Variants in MAP2 observed in about 807,000 individuals in gnomAD.
MAP2 encodes the protein microtubule-associated protein 2.
A neutral mutation model predicts 137.6 loss-of-function variants in MAP2; 14 were observed. The observed-to-expected ratio is 0.10, with a 90% CI of 0.07 to 0.16. The LOEUF is 0.16. Ranked by LOEUF, MAP2 falls within the 10% of genes least tolerant of loss-of-function variation. The pLI, the probability that MAP2 is intolerant of heterozygous loss-of-function variation, is 1.00. For missense variants in MAP2, 2,088 were observed against 2,191.5 expected (o/e 0.95, Z 0.94); for synonymous variants, 786 against 782.3 (o/e 1.00, Z -0.08).
chr2:209,610,393 G>A (rs1277065864), intron 3 of MAP2, among the ~76,000 whole-genome samples: 1 of 151,772 alleles, frequency 6.6e-6, no homozygotes, highest in Non-Finnish European at 1.5e-5. Flanking sequence ...GACCACTGAA[G>A]TATTTTAATC....
intron 3 of MAP2, among the ~76,000 whole-genome samples, chr2:209,587,827 A>G (rs968394468): frequency 6.6e-6 from 1 of 152,202 alleles, no homozygotes; most frequent in African/African-American, 2.4e-5. Context: ...CCAGGTCTCC[A>G]GACCTTGTTA....
intron 1 of MAP2, among the ~76,000 whole-genome samples, chr2:209,471,757 T>G (rs1185693899): frequency 1.3e-5 from 2 of 152,008 alleles, no homozygotes; most frequent in Admixed American, 1.3e-4. Flanking sequence ...TATAGTTCCT[T>G]GAGAATGAAG....
In MAP2 at chr2:209,693,308, G is replaced by A. The variant is rs1289215995; in HGVS notation, c.1138G>A (p.Ala380Thr). ...EPHEAKPDKM[A>T]EAPPSEAMTL... The stretch of plus-strand genomic sequence containing the variant: ...CCATGAGGCTAAACCTGACAAAATG[G>A]CAGAAGCACCACCCTCAGAGGCAAT... Residue 380 changes from alanine to threonine, a missense_variant, in exon 8 of 16, where the codon GCA becomes ACA. Ala to Thr is a moderately conservative substitution (Grantham distance 58). Around this residue, in one of 6 missense-constraint regions of MAP2, gnomAD observed 859 missense variants for 794.5 expected, o/e 1.08. Transcript: ENST00000682079. 6.2e-7 allele frequency: 1 copy of A among 1,613,902 alleles called. No individual in the cohort carries two copies. The highest frequency in any genetic ancestry group is 1.1e-5 in the South Asian group (1 of 91,020).
intron 1 of MAP2, among the ~76,000 whole-genome samples, chr2:209,490,578 A>G (rs1204783998): frequency 7.8e-6 from 1 of 128,068 alleles, no homozygotes; most frequent in Non-Finnish European, 1.6e-5. Flanking sequence ...AAAGGGATGG[A>G]GGAAGATTTA....
chr2:209,485,895 T>C (rs928693554), intron 1 of MAP2, among the ~76,000 whole-genome samples: 1 of 152,254 alleles, frequency 6.6e-6, no homozygotes, highest in Non-Finnish European at 1.5e-5. Flanking sequence ...GGCAGAAGGT[T>C]AGGGCCTAGC....
intron 4 of MAP2, among the ~76,000 whole-genome samples, chr2:209,628,574 G>A (rs983454582): frequency 6.6e-6 from 1 of 152,074 alleles, no homozygotes; most frequent in Non-Finnish European, 1.5e-5. Context: ...TTCTTCTACA[G>A]TCTATTGTTC....
At chr2:209,661,756 A>G (rs1018727115) in intron 5 of MAP2, 3 of 909,036 alleles carry the variant, frequency 3.3e-6, no homozygotes, top group African/African-American at 3.6e-5. Flanking sequence ...AGCTTCAATC[A>G]TAATATTTGG....
intron 1 of MAP2, among the ~76,000 whole-genome samples, chr2:209,449,862 T>C (rs559308891): frequency 6.6e-6 from 1 of 152,296 alleles, no homozygotes; most frequent in South Asian, 2.1e-4. Context: ...ATACTTGTAT[T>C]ATCAGTATTA....
Position 209,671,781 on chromosome 2 carries a change from G to T in MAP2, c.263-6791G>T, listed in dbSNP as rs1378138269. ...TTCTCAAGCATATGCCAAGGTGCTT[G>T]GATTTTTTTTATTCACAGTCTAATT... On this transcript the variant is annotated intron_variant, in intron 5 of 15. Coordinates refer to ENST00000682079, the MANE Select transcript of MAP2 (RefSeq NM_001375505.1). Among the ~76,000 whole-genome samples the T allele has an allele frequency of 4.6e-5, 7 of 151,718 alleles. 1 individual carries two copies. The South Asian group carries it at 1.5e-3, about 31-fold the overall frequency.
intron 13 of MAP2, among the ~76,000 whole-genome samples, chr2:209,724,120 A>C (rs532877612): frequency 1.8e-4 from 27 of 152,320 alleles, no homozygotes; most frequent in African/African-American, 6.3e-4. Flanking sequence ...CAAAGTATGT[A>C]ATGTCAATCT....
At chr2:209,679,446 C>G (rs1416642440) in intron 6 of MAP2, among the ~76,000 whole-genome samples, 1 of 151,810 alleles carries the variant, frequency 6.6e-6, no homozygotes, top group East Asian at 1.9e-4. Context: ...CAAAGAGATA[C>G]AGGAAAGGAG....
chr2:209,710,163 G>A lies in MAP2; in HGVS notation c.4982G>A (p.Arg1661Gln), dbSNP rs1487230722. ...PKSPATPKQL[R>Q]LINQPLPDLK... Reference sequence around the variant, plus strand: ...TCTCCTGCGACTCCCAAGCAGCTTCGGCTTATTAACCAACCACTGCCAGAC... The same window carrying A: ...TCTCCTGCGACTCCCAAGCAGCTTCAGCTTATTAACCAACCACTGCCAGAC... Residue 1661 changes from arginine to glutamine, a missense_variant, in exon 13 of 16, where the codon CGG (arginine) becomes CAG (glutamine). Arg to Gln is a conservative substitution (Grantham distance 43, BLOSUM62 1). Around this residue, in one of 6 missense-constraint regions of MAP2, gnomAD observed 591 missense variants for 642.6 expected, o/e 0.92. Coordinates refer to ENST00000682079, the MANE Select transcript of MAP2 (RefSeq NM_001375505.1). 4.3e-6 allele frequency: 7 copies of A among 1,613,620 alleles called. No individual in the cohort carries two copies. The highest frequency in any genetic ancestry group is 1.3e-5 in the African/African-American group (1 of 74,858).
At chr2:209,466,713 C>A (rs560902797) in intron 1 of MAP2, among the ~76,000 whole-genome samples, 1 of 152,030 alleles carries the variant, frequency 6.6e-6, no homozygotes, top group African/African-American at 2.4e-5. Flanking sequence ...CCATGAAAAC[C>A]CTTAAAGATA....
At chr2:209,462,216 A>T (rs921098379) in intron 1 of MAP2, among the ~76,000 whole-genome samples, 2 of 152,180 alleles carry the variant, frequency 1.3e-5, no homozygotes, top group Non-Finnish European at 2.9e-5. Flanking sequence ...TGGTGTTTGG[A>T]TGTAGAAAAG....
At chr2:209,474,393 G>A (rs1022811687) in intron 1 of MAP2, among the ~76,000 whole-genome samples, 2 of 151,960 alleles carry the variant, frequency 1.3e-5, no homozygotes, top group Non-Finnish European at 2.9e-5. Context: ...CAGCATGATA[G>A]GAAGGCAGTT....
rs529019284 is a variant in MAP2 at position 209,484,978 on chromosome 2, G to A, written c.-221-22614G>A. ...GGCCGATAGAAACGCGATAGCAGTT[G>A]TGCACCATGTCTGCAACTGTGGCAG... On this transcript the variant is annotated intron_variant, in intron 1 of 15. Coordinates refer to ENST00000682079, the MANE Select transcript of MAP2 (RefSeq NM_001375505.1). 2.0e-5 allele frequency among the ~76,000 whole-genome samples: 3 copies of A among 152,312 alleles called. No individual in the cohort carries two copies. In the East Asian group the frequency reaches 5.8e-4, roughly 29 times the overall value.
intron 4 of MAP2, among the ~76,000 whole-genome samples, chr2:209,640,980 A>G (rs1020962439): frequency 3.4e-5 from 5 of 147,038 alleles, no homozygotes; most frequent in African/African-American, 5.0e-5. Flanking sequence ...TCCATGATGT[A>G]TAATATGGCC....
rs548407481 is a variant in MAP2 at position 209,644,316 on chromosome 2, A to C, written c.-29-8826A>C. 4.6e-5 allele frequency among the ~76,000 whole-genome samples: 7 copies of C among 152,322 alleles called. No individual in the cohort carries two copies. The East Asian group carries it at 1.4e-3, about 29-fold the overall frequency. On this transcript the variant is annotated intron_variant, in intron 4 of 15. Coordinates refer to ENST00000682079, the MANE Select transcript of MAP2 (RefSeq NM_001375505.1). ...TCTATCACCCCATTTATACAGATTT[A>C]GAAATGTTTTTACTAGACCCTATTC...
chr2:209,453,503 C>T, intron 1 of MAP2, among the ~76,000 whole-genome samples: 1 of 152,108 alleles, frequency 6.6e-6, no homozygotes, highest in East Asian at 1.9e-4. Flanking sequence ...AACATAACGA[C>T]TTAAAAGGGC....
Sources: allele counts gnomAD v4.1 joint callset (sites outside exome capture counted in the v4.1 genomes callset), GRCh38; gene constraint gnomAD v4.1.1; regional missense constraint gnomAD v4.1.1; transcripts MANE v1.5; gene names NCBI Gene and HGNC (gene_info 2026-07-23, HGNC 2026-07-21).